The following TOP6BL variants were observed in gnomAD, a reference collection of about 807,000 sequenced individuals.
The protein encoded by TOP6BL is type 2 DNA topoisomerase 6 subunit B-like.
the TOP6BL span, among the ~76,000 whole-genome samples, chr11:66,813,163 C>T: frequency 7.2e-5 from 11 of 152,202 alleles, no homozygotes; most frequent in East Asian, 1.9e-3. Context: ...TACAGCTTAC[C>T]GGCTTTTATG....
the TOP6BL span, among the ~76,000 whole-genome samples, chr11:66,799,672 A>G: frequency 6.6e-6 from 1 of 151,254 alleles, no homozygotes; most frequent in Admixed American, 6.6e-5. Context: ...AGATTGCGCC[A>G]TTGCACTCTG....
chr11:66,773,013 T>G, the TOP6BL span, among the ~76,000 whole-genome samples: 1 of 152,282 alleles, frequency 6.6e-6, no homozygotes, highest in South Asian at 2.1e-4. Context: ...TGGGCCTGAT[T>G]TTTTCCTTCC....
chr11:66,758,272 A>G, the TOP6BL span: 1 of 229,558 alleles, frequency 4.4e-6, no homozygotes, highest in Non-Finnish European at 7.0e-6. Flanking sequence ...AGGTAAGAGA[A>G]TTCTTACCTG....
the TOP6BL span, among the ~76,000 whole-genome samples, chr11:66,752,209 T>C: frequency 1.3e-5 from 2 of 151,888 alleles, no homozygotes; most frequent in African/African-American, 4.8e-5. Flanking sequence ...GTAGCTTCCT[T>C]GGAAAGAGTG....
the TOP6BL span, chr11:66,748,623 G>A: frequency 1.1e-6 from 1 of 890,772 alleles, no homozygotes; most frequent in East Asian, 2.9e-5. Flanking sequence ...TTCCAGGATT[G>A]TTCCATAATT....
At chr11:66,762,947 A>G in the TOP6BL span, among the ~76,000 whole-genome samples, 1 of 152,248 alleles carries the variant, frequency 6.6e-6, no homozygotes, top group African/African-American at 2.4e-5. Context: ...TCTCACACCT[A>G]TAATACCAGC....
the TOP6BL span, among the ~76,000 whole-genome samples, chr11:66,763,931 A>G: frequency 1.3e-5 from 2 of 152,208 alleles, no homozygotes; most frequent in African/African-American, 4.8e-5. Flanking sequence ...GCTCCAGAAC[A>G]TTCTGTGAGC....
At chr11:66,775,813 A>G in the TOP6BL span, among the ~76,000 whole-genome samples, 2 of 152,152 alleles carry the variant, frequency 1.3e-5, no homozygotes, top group Non-Finnish European at 2.9e-5. Flanking sequence ...ATTCCTATTT[A>G]GATCTTTTAT....
chr11:66,808,868 AAAGAG>A, the TOP6BL span, among the ~76,000 whole-genome samples: 1 of 151,840 alleles, frequency 6.6e-6, no homozygotes, highest in Non-Finnish European at 1.5e-5. Flanking sequence ...TGATGTCCAA[AAAGAG>A]AAGAGAGAAG....
At chr11:66,835,589 C>A in the TOP6BL span, among the ~76,000 whole-genome samples, 2 of 152,216 alleles carry the variant, frequency 1.3e-5, no homozygotes, top group African/African-American at 4.8e-5. Context: ...CTCCCTTCAA[C>A]CCCTGGCAAC....
the TOP6BL span, among the ~76,000 whole-genome samples, chr11:66,827,259 A>C: frequency 6.6e-6 from 1 of 151,730 alleles, no homozygotes. Context: ...CATGTTGGTC[A>C]GGCTGGTGTC....
chr11:66,801,244 CT>C, the TOP6BL span: 396 of 804,152 alleles, frequency 4.9e-4, 1 homozygote, highest in East Asian at 9.1e-3. Context: ...AGAAGTAAAA[CT>C]TTTTTTTATG....
At chr11:66,764,948 A>C in the TOP6BL span, among the ~76,000 whole-genome samples, 1 of 151,904 alleles carries the variant, frequency 6.6e-6, no homozygotes, top group African/African-American at 2.4e-5. Context: ...AGCCTTGGTG[A>C]CAGAGTGAGA....
the TOP6BL span, among the ~76,000 whole-genome samples, chr11:66,762,991 G>A: frequency 2.0e-5 from 3 of 152,142 alleles, no homozygotes; most frequent in African/African-American, 4.8e-5. Context: ...AATCGCTTGA[G>A]CCCAGTAGTT....
chr11:66,815,970 G>T, the TOP6BL span: 1 of 1,340,872 alleles, frequency 7.5e-7, no homozygotes, highest in East Asian at 2.5e-5. Context: ...ATCCTTCTTT[G>T]TTCAGAATAC....
the TOP6BL span, chr11:66,757,990 C>A: frequency 3.6e-6 from 1 of 274,810 alleles, no homozygotes; most frequent in Non-Finnish European, 5.5e-6. Flanking sequence ...GCCTCTCACT[C>A]TAGTTCCGTG....
chr11:66,753,356 C>G, the TOP6BL span, among the ~76,000 whole-genome samples: 4 of 150,206 alleles, frequency 2.7e-5, no homozygotes, highest in Non-Finnish European at 5.9e-5. Flanking sequence ...GGGGTAGGCT[C>G]GGGAATTGGT....
the TOP6BL span, among the ~76,000 whole-genome samples, chr11:66,826,258 T>G: frequency 6.6e-6 from 1 of 152,196 alleles, no homozygotes; most frequent in Non-Finnish European, 1.5e-5. Flanking sequence ...TCATATATAT[T>G]TGTAACCAAA....
the TOP6BL span, among the ~76,000 whole-genome samples, chr11:66,750,011 A>G: frequency 6.6e-6 from 1 of 152,132 alleles, no homozygotes; most frequent in Non-Finnish European, 1.5e-5. Flanking sequence ...AACATTGAGT[A>G]TATATTCTAG....
Sources: allele counts gnomAD v4.1 joint callset (sites outside exome capture counted in the v4.1 genomes callset), GRCh38; gene constraint gnomAD v4.1.1; transcripts MANE v1.5; gene names NCBI Gene and HGNC (gene_info 2026-07-23, HGNC 2026-07-21).